ANTXR1: variants seen among roughly 807,000 people sequenced by gnomAD.
ANTXR1 encodes anthrax toxin receptor 1.
Under a neutral mutation model 78.1 loss-of-function variants are expected in ANTXR1, and 19 were observed. That is an observed-to-expected ratio of 0.24 (90% CI 0.17 to 0.36). The LOEUF is 0.36. ANTXR1 is among the 10% of genes least tolerant of loss of function. ANTXR1 has a pLI of 1.00. For synonymous variants in ANTXR1, 273 were observed against 260.5 expected (o/e 1.05, Z -0.46); for missense variants, 518 against 718.6 (o/e 0.72, Z 3.19).
intron 10 of ANTXR1, among the ~76,000 whole-genome samples, chr2:69,114,510 C>G (rs1573895376): frequency 1.3e-5 from 2 of 152,332 alleles, no homozygotes; most frequent in South Asian, 4.1e-4. Flanking sequence ...TCCTCTCCAT[C>G]TGGGGCTATA....
intron 8 of ANTXR1, among the ~76,000 whole-genome samples, chr2:69,080,971 C>A (rs910154559): frequency 1.3e-5 from 2 of 152,152 alleles, no homozygotes; most frequent in Non-Finnish European, 2.9e-5. Context: ...CAGAGTCTGA[C>A]AATAGAGCAA....
intron 3 of ANTXR1, 124 bp downstream of exon 3, chr2:69,044,937 C>G: frequency 3.0e-6 from 3 of 989,590 alleles, no homozygotes; most frequent in Middle Eastern, 2.1e-4. Context: ...TTCTTTTACC[C>G]TAAGTTTTTA....
At chr2:69,104,850 G>A (rs1671752258) in intron 10 of ANTXR1, among the ~76,000 whole-genome samples, 1 of 152,206 alleles carries the variant, frequency 6.6e-6, no homozygotes, top group Admixed American at 6.5e-5. Context: ...TTGGGAGGCT[G>A]AGGTGGGTGT....
intron 1 of ANTXR1, among the ~76,000 whole-genome samples, chr2:69,035,002 A>AC (rs1175986667): frequency 6.6e-6 from 1 of 152,118 alleles, no homozygotes; most frequent in Non-Finnish European, 1.5e-5. Flanking sequence ...GGTCTGAACT[A>AC]CCCTGAGTCA....
At chr2:69,200,456 C>T (rs1015423060) in intron 17 of ANTXR1, among the ~76,000 whole-genome samples, 1 of 152,228 alleles carries the variant, frequency 6.6e-6, no homozygotes, top group Non-Finnish European at 1.5e-5. Context: ...AGAGGTTATC[C>T]TCTGCCCAGT....
intron 12 of ANTXR1, among the ~76,000 whole-genome samples, chr2:69,124,936 A>G (rs1043696962): frequency 1.5e-4 from 23 of 152,196 alleles, no homozygotes; most frequent in African/African-American, 5.3e-4. Flanking sequence ...ATGTCTGTGC[A>G]GTAATGAGGG....
chr2:69,087,775 C>T (rs910008543), intron 8 of ANTXR1, among the ~76,000 whole-genome samples: 1 of 152,258 alleles, frequency 6.6e-6, no homozygotes, highest in East Asian at 1.9e-4. Flanking sequence ...CCCGGGCCTC[C>T]CTACCCCCAC....
chr2:69,053,880 C>G (rs1178739632), intron 3 of ANTXR1, among the ~76,000 whole-genome samples: 2 of 152,134 alleles, frequency 1.3e-5, no homozygotes, highest in Non-Finnish European at 2.9e-5. Context: ...AGTTTTAACT[C>G]AGTGATTTTT....
intron 17 of ANTXR1, among the ~76,000 whole-genome samples, chr2:69,241,788 T>C (rs976798854): frequency 2.6e-5 from 4 of 152,162 alleles, no homozygotes; most frequent in Admixed American, 2.0e-4. Flanking sequence ...CAGGGTCTGA[T>C]TGTGTCTGCG....
chr2:69,240,258 G>C (rs1162303012), intron 17 of ANTXR1, among the ~76,000 whole-genome samples: 1 of 152,256 alleles, frequency 6.6e-6, no homozygotes, highest in African/African-American at 2.4e-5. Context: ...GCAACACTAG[G>C]CTCCACAGGA....
intron 12 of ANTXR1, chr2:69,145,930 A>G: frequency 1.0e-6 from 1 of 985,750 alleles, no homozygotes; most frequent in Non-Finnish European, 1.2e-6. Flanking sequence ...TTCATTATTG[A>G]AGTTCCAAAT....
At chr2:69,110,835 C>T (rs1298315214) in intron 10 of ANTXR1, among the ~76,000 whole-genome samples, 1 of 152,148 alleles carries the variant, frequency 6.6e-6, no homozygotes, top group Non-Finnish European at 1.5e-5. Context: ...GCATTCCAGC[C>T]CGGGCGACAG....
At chr2:69,153,998 C>A (rs1359241549) in intron 13 of ANTXR1, among the ~76,000 whole-genome samples, 1 of 152,114 alleles carries the variant, frequency 6.6e-6, no homozygotes, top group African/African-American at 2.4e-5. Context: ...GCTTAGAAAG[C>A]ACCTAACACA....
At chr2:69,204,901 T>G (rs2104490416) in intron 17 of ANTXR1, among the ~76,000 whole-genome samples, 1 of 152,308 alleles carries the variant, frequency 6.6e-6, no homozygotes, top group Middle Eastern at 3.4e-3. Flanking sequence ...ATGCTCTCCC[T>G]GATTCCACCT....
rs114062500 is a variant in ANTXR1, at chr2:69,112,619, A to G, written c.802+9679A>G. Among the ~76,000 whole-genome samples, 243 of 152,334 alleles carry G rather than the reference A, an allele frequency of 1.6e-3. 1 individual carries two copies. Among genetic ancestry groups the G allele is most frequent in the African/African-American group, 5.7e-3 (235 of 41,584 alleles). ...CTAAGATCAAGAGAAAAAGCCCCCG[A>G]CCAGGGTAGGAAGAACCCCAGGCAT... On this transcript the variant is annotated intron_variant, in intron 10 of 17. Coordinates refer to ENST00000303714, the MANE Select transcript of ANTXR1 (RefSeq NM_032208.3).
chr2:69,040,212 A>G, intron 2 of ANTXR1, 97 bp downstream of exon 2: 1 of 1,111,950 alleles, frequency 9.0e-7, no homozygotes, highest in African/African-American at 1.6e-5. Flanking sequence ...TACTTTGGGG[A>G]TGTTTTTTGA....
Position 69,246,513 on chromosome 2 carries a change from CCA to C in ANTXR1, c.*1031_*1032del, listed in dbSNP as rs1676025913. ...TTTTTTTTCTTGGTAAAGCCATGCA[CCA>C]CAGACTTCTGGGCAGAGCTGAGAGA... On this transcript the variant is annotated 3_prime_UTR_variant, in exon 18 of 18. Coordinates refer to ENST00000303714, the MANE Select transcript of ANTXR1 (RefSeq NM_032208.3). 6.6e-6 allele frequency: 1 copy of C among 152,102 alleles called. No individual in the cohort carries two copies. The allele number at this position is 152,102 out of a possible 1,614,324, so 9.4% of individuals were successfully genotyped here.
At chr2:69,193,479 A>T in intron 17 of ANTXR1, 64 bp downstream of exon 17, 1 of 1,295,914 alleles carries the variant, frequency 7.7e-7, no homozygotes, top group Non-Finnish European at 1.1e-6. Flanking sequence ...ACACACACAC[A>T]CACACACACA....
At chr2:69,192,915 T>G (rs2104475210) in intron 16 of ANTXR1, among the ~76,000 whole-genome samples, 1 of 143,424 alleles carries the variant, frequency 7.0e-6, no homozygotes. Context: ...TAACGTTTAG[T>G]AATTTTCCAG....
Sources: allele counts gnomAD v4.1 joint callset (sites outside exome capture counted in the v4.1 genomes callset), GRCh38; gene constraint gnomAD v4.1.1; transcripts MANE v1.5; gene names NCBI Gene and HGNC (gene_info 2026-07-23, HGNC 2026-07-21).